The following RAPGEF6 variants were observed in gnomAD, a reference collection of about 807,000 sequenced individuals.
RAPGEF6 encodes the protein PDZ domain containing guanine nucleotide exchange factor (GEF) 2.
In RAPGEF6, 56 loss-of-function variants were observed where a neutral mutation model predicts 171.4. The observed-to-expected ratio is 0.33, with a 90% CI of 0.26 to 0.41. The LOEUF (loss-of-function observed/expected upper bound fraction) is 0.41, where lower values mean the gene tolerates loss of function less well. RAPGEF6 is among the 10% of genes least tolerant of loss of function. RAPGEF6 has a pLI of 1.00. For missense variants in RAPGEF6, 1,674 were observed against 1,921.4 expected (o/e 0.87, Z 2.41); for synonymous variants, 692 against 650.1 (o/e 1.06, Z -0.98).
intron 1 of RAPGEF6, among the ~76,000 whole-genome samples, chr5:131,605,051 T>A (rs186777829): frequency 2.1e-4 from 32 of 152,328 alleles, no homozygotes; most frequent in African/African-American, 7.5e-4. Flanking sequence ...CTGGCTGACA[T>A]CTCTAGAGAT....
chr5:131,533,169 T>TACACACACACACACACACAC (rs3992020), intron 6 of RAPGEF6: 9 of 136,858 alleles, frequency 6.6e-5, no homozygotes, highest in African/African-American at 2.2e-4. Flanking sequence ...ATTGAAAACA[T>TACACACACACACACACACAC]ACACACACAC....
chr5:131,543,966 C>T (rs996773657), intron 6 of RAPGEF6, among the ~76,000 whole-genome samples: 6 of 151,898 alleles, frequency 4.0e-5, no homozygotes, highest in African/African-American at 1.5e-4. Flanking sequence ...GGCTCAACAC[C>T]GTAAGTCATC....
At chr5:131,433,353 G>A in intron 25 of RAPGEF6, 77 bp downstream of exon 25, 2 of 1,311,964 alleles carry the variant, frequency 1.5e-6, no homozygotes, top group South Asian at 2.4e-5. Context: ...GGAGGTCCAA[G>A]GTCAAGGTGG....
At chr5:131,504,527 T>G (rs970077977) in intron 11 of RAPGEF6, 99 bp downstream of exon 11, 86 of 1,210,040 alleles carry the variant, frequency 7.1e-5, no homozygotes, top group Non-Finnish European at 9.1e-5. Context: ...AAAGTGTTAA[T>G]GAATTATCTT....
At position 131,553,763 on chromosome 5, in the gene RAPGEF6, TTAAATAAGAAAAATGAAGGAAC is replaced by T. The variant is rs1447780886; in HGVS notation, c.352-5595_352-5574del. On this transcript the variant is annotated intron_variant, in intron 5 of 27. Transcript: ENST00000509018. The stretch of plus-strand genomic sequence containing the variant: ...TTACCAAAGAGAAAGAGGAAAAGAG[TTAAATAAGAAAAATGAAGGAAC>T]TGAATGGTATATTAAGATGCAACTA... 2.1e-5 allele frequency among the ~76,000 whole-genome samples: 3 copies of T among 143,684 alleles called. 1 individual carries two copies. The highest frequency in any genetic ancestry group is 7.8e-5 in the African/African-American group (3 of 38,594). 94.3% of individuals were successfully genotyped at this position (143,684 alleles called of 152,430 possible).
At chr5:131,526,923 G>A (rs1221165869) in intron 6 of RAPGEF6, among the ~76,000 whole-genome samples, 2 of 152,094 alleles carry the variant, frequency 1.3e-5, no homozygotes, top group South Asian at 4.1e-4. Flanking sequence ...AAAGTCTGCT[G>A]AATACTTTGT....
chr5:131,494,625 G>A (rs1756505759), intron 13 of RAPGEF6, among the ~76,000 whole-genome samples: 1 of 152,112 alleles, frequency 6.6e-6, no homozygotes, highest in African/African-American at 2.4e-5. Context: ...CTGAATATAT[G>A]GGTGAGGAAC....
At chr5:131,615,553 G>A (rs975189702) in intron 1 of RAPGEF6, among the ~76,000 whole-genome samples, 2 of 152,198 alleles carry the variant, frequency 1.3e-5, no homozygotes, top group Non-Finnish European at 2.9e-5. Context: ...TAGATTCAAG[G>A]AGGTGCTAAT....
chr5:131,517,002 T>A lies in RAPGEF6; in HGVS notation c.627+4388A>T, dbSNP rs1385762203. Reference sequence around the variant, plus strand: ...TATAAAACAGTGTAAACAGTTTTCCTGTTAAGAACTGCTGTCAGGAAAACC... The same window carrying A: ...TATAAAACAGTGTAAACAGTTTTCCAGTTAAGAACTGCTGTCAGGAAAACC... On this transcript the variant is annotated intron_variant, in intron 7 of 27. Coordinates refer to ENST00000509018, the MANE Select transcript of RAPGEF6 (RefSeq NM_016340.6). Among the ~76,000 whole-genome samples, 4 of 152,224 alleles carry A rather than the reference T, an allele frequency of 2.6e-5. No individual in the cohort carries two copies. In the South Asian group the frequency reaches 8.3e-4, roughly 32 times the overall value.
chr5:131,601,223 A>C (rs1764232379), intron 3 of RAPGEF6, among the ~76,000 whole-genome samples: 1 of 152,056 alleles, frequency 6.6e-6, no homozygotes, highest in Admixed American at 6.5e-5. Flanking sequence ...ATCTCTACTA[A>C]AAATACAAAA....
At chr5:131,508,789 G>A (rs2149893091) in intron 8 of RAPGEF6, among the ~76,000 whole-genome samples, 1 of 152,254 alleles carries the variant, frequency 6.6e-6, no homozygotes, top group East Asian at 1.9e-4. Flanking sequence ...AGTCAGCAAA[G>A]AGATTAAGAA....
Position 131,504,693 on chromosome 5 carries a change from A to G in RAPGEF6, c.1187T>C (p.Ile396Thr). The change falls in exon 11 of 28, where the codon ATT (isoleucine) becomes ACT (threonine). Residue 396 changes from isoleucine (I) to threonine (T), a missense_variant. Ile to Thr is a moderately conservative substitution (Grantham distance 89, BLOSUM62 -1). Around this residue, in one of 3 missense-constraint regions of RAPGEF6, gnomAD observed 1,116 missense variants for 1,321.5 expected, o/e 0.84. Transcript: ENST00000509018. ...NTHKVEEEGE[I>T]VMVHEHRELD... ...TTCCCGATGCTCATGTACCATAACA[A>G]TTTCTCCCTCTTCCTCAACTTTATG... is the stretch of plus-strand genomic sequence containing the variant. The G allele has an allele frequency of 6.2e-7, 1 of 1,613,900 alleles. No homozygotes were observed.
At chr5:131,507,890 AAAGC>A (rs1375041126) in intron 9 of RAPGEF6, among the ~76,000 whole-genome samples, 177 bp downstream of exon 9, 1 of 152,234 alleles carries the variant, frequency 6.6e-6, no homozygotes, top group African/African-American at 2.4e-5. Context: ...AAATTAGGGC[AAAGC>A]AAAAACAAAA....
intron 4 of RAPGEF6, among the ~76,000 whole-genome samples, chr5:131,573,010 G>A (rs1469496977): frequency 6.6e-6 from 1 of 152,084 alleles, no homozygotes; most frequent in African/African-American, 2.4e-5. Context: ...CCTAGTCTCT[G>A]CTCCCAGTGC....
intron 26 of RAPGEF6, 57 bp downstream of exon 26, chr5:131,430,802 T>A: frequency 6.3e-7 from 1 of 1,579,644 alleles, no homozygotes; most frequent in Non-Finnish European, 8.6e-7. Context: ...GATATCCCAA[T>A]GCCATTTTTT....
At chr5:131,597,612 T>C (rs1763977252) in intron 3 of RAPGEF6, among the ~76,000 whole-genome samples, 1 of 152,038 alleles carries the variant, frequency 6.6e-6, no homozygotes, top group East Asian at 1.9e-4. Context: ...GAGAGGCAAA[T>C]ACTGCAGAAT....
chr5:131,552,461 CTTT>C (rs200660234), intron 5 of RAPGEF6, among the ~76,000 whole-genome samples: 4 of 142,020 alleles, frequency 2.8e-5, no homozygotes, highest in African/African-American at 7.7e-5. Flanking sequence ...AAAAATGCAA[CTTT>C]TTTTTTTTTT....
At chr5:131,433,810 C>T (rs1243694575) in intron 24 of RAPGEF6, 152 bp from the exon 25 acceptor site, 1 of 621,452 alleles carries the variant, frequency 1.6e-6, no homozygotes, top group African/African-American at 1.8e-5. Flanking sequence ...TATAATGGTG[C>T]CAATTTTCTC....
chr5:131,479,832 A>G, intron 15 of RAPGEF6, 79 bp from the exon 16 acceptor site: 2 of 1,423,956 alleles, frequency 1.4e-6, no homozygotes, highest in Non-Finnish European at 1.9e-6. Context: ...TTTAAGGATA[A>G]ACACAGTGAC....
Sources: allele counts gnomAD v4.1 joint callset (sites outside exome capture counted in the v4.1 genomes callset), GRCh38; gene constraint gnomAD v4.1.1; regional missense constraint gnomAD v4.1.1; transcripts MANE v1.5; gene names NCBI Gene and HGNC (gene_info 2026-07-23, HGNC 2026-07-21).